ZYG11B: variants seen among roughly 807,000 people sequenced by gnomAD.
ZYG11B encodes protein zyg-11 homolog B.
Under a neutral mutation model 82.4 loss-of-function variants are expected in ZYG11B, and 36 were observed. The ratio of observed to expected loss-of-function variants is 0.44; its 90% CI spans 0.33 to 0.58. ZYG11B has a LOEUF of 0.58. Among genes scored for constraint, ZYG11B ranks in the 20% least tolerant of loss-of-function variants. The pLI is 0.02. For missense variants in ZYG11B, 552 were observed against 895.6 expected, an observed-to-expected ratio of 0.62 and a Z score of 4.90; for synonymous variants, 303 against 312.8, an observed-to-expected ratio of 0.97 and a Z score of 0.33.
intron 12 of ZYG11B, among the ~76,000 whole-genome samples, chr1:52,814,658 T>C (rs1333834448): frequency 6.6e-6 from 1 of 151,972 alleles, no homozygotes; most frequent in Non-Finnish European, 1.5e-5. Flanking sequence ...TATGATTGCA[T>C]CACTGCATTC....
At chr1:52,804,419 C>T (rs1207373828) in intron 10 of ZYG11B, among the ~76,000 whole-genome samples, 2 of 152,028 alleles carry the variant, frequency 1.3e-5, no homozygotes, top group African/African-American at 4.8e-5. Flanking sequence ...TTGAGACCAG[C>T]CTGCCCAACA....
chr1:52,770,487 C>T (rs1177092064), intron 2 of ZYG11B, among the ~76,000 whole-genome samples: 1 of 152,024 alleles, frequency 6.6e-6, no homozygotes, highest in South Asian at 2.1e-4. Flanking sequence ...AGGTTTATAC[C>T]TCACTTGTGG....
chr1:52,821,295 A>G (rs12731800), intron 13 of ZYG11B, 144 bp from the exon 14 acceptor site: 31,553 of 717,800 alleles, frequency 0.044, 867 homozygotes, highest in African/African-American at 0.1. Context: ...GAGGTTATTT[A>G]TCAAGCTGTA....
At chr1:52,755,061 C>T (rs1163151078) in intron 1 of ZYG11B, among the ~76,000 whole-genome samples, 2 of 150,294 alleles carry the variant, frequency 1.3e-5, no homozygotes, top group African/African-American at 2.4e-5. Context: ...CCTGTGTTCA[C>T]GCCATTCTCC....
At chr1:52,753,202 T>C (rs1178421439) in intron 1 of ZYG11B, among the ~76,000 whole-genome samples, 1 of 152,120 alleles carries the variant, frequency 6.6e-6, no homozygotes, top group Admixed American at 6.6e-5. Flanking sequence ...ACATACAAGA[T>C]TTTGTGTGGA....
At position 52,726,698 on chromosome 1, in the gene ZYG11B, C is replaced by A; in HGVS notation, c.30+15C>A. 9 of 1,472,304 alleles carry A rather than the reference C, an allele frequency of 6.1e-6. No homozygotes were observed. The highest frequency in any genetic ancestry group is 8.1e-6 in the Non-Finnish European group (9 of 1,117,156). The allele number at this position is 1,472,304 out of a possible 1,614,324, so 91.2% of individuals were successfully genotyped here. On this transcript the variant is annotated intron_variant, in intron 1 of 13. Transcript: ENST00000294353. ...GCGCAGCCATGGTGAGGGAGCAAGG[C>A]CTGCCCTAGCCGCAGCCGCCCGCCA... is the stretch of plus-strand genomic sequence containing the variant.
chr1:52,820,305 G>A (rs1341802895), intron 13 of ZYG11B, among the ~76,000 whole-genome samples: 1 of 151,728 alleles, frequency 6.6e-6, no homozygotes, highest in Non-Finnish European at 1.5e-5. Flanking sequence ...TACCTTGTGG[G>A]CTTATTTTGT....
intron 1 of ZYG11B, among the ~76,000 whole-genome samples, chr1:52,738,099 G>A (rs919206886): frequency 4.6e-5 from 7 of 152,236 alleles, no homozygotes; most frequent in Admixed American, 1.3e-4. Context: ...TATATAATTT[G>A]TAGAGGTGTT....
intron 1 of ZYG11B, among the ~76,000 whole-genome samples, chr1:52,727,923 TAGTC>T (rs988110946): frequency 1.3e-5 from 2 of 152,166 alleles, no homozygotes; most frequent in South Asian, 2.1e-4. Context: ...CCTAGGAGGT[TAGTC>T]AGTTTCTTTT....
Position 52,802,109 on chromosome 1 carries a change from A to G in ZYG11B, c.1665A>G (p.Ser555=), listed in dbSNP as rs1462413773. 1.2e-5 allele frequency: 20 copies of G among 1,611,244 alleles called. No homozygotes were observed. The highest frequency in any genetic ancestry group is 3.4e-5 in the Admixed American group (2 of 59,632). The part of the protein sequence containing the change: ...MRVLESFPTE[S]SIQQKVLGLL... ...TTTTACAGTCTTTCCCAACTGAGTC[A>G]TCCATTCAGCAGAAAGTTCTAGGAC... Residue 555 remains serine (S), a synonymous_variant, in exon 10 of 14, where the codon TCA becomes TCG. Coordinates refer to ENST00000294353, the MANE Select transcript of ZYG11B (RefSeq NM_024646.3).
intron 2 of ZYG11B, among the ~76,000 whole-genome samples, chr1:52,760,982 C>T (rs565165668): frequency 2.6e-5 from 4 of 152,114 alleles, no homozygotes; most frequent in Admixed American, 1.3e-4. Context: ...AGGCTGGTCT[C>T]GAACTCCTGA....
intron 13 of ZYG11B, among the ~76,000 whole-genome samples, chr1:52,821,075 G>GCAAGA (rs1411472535): frequency 6.7e-6 from 1 of 149,530 alleles, no homozygotes; most frequent in Non-Finnish European, 1.5e-5. Context: ...GGGCAACAGG[G>GCAAGA]CAAGACTCTG....
At position 52,816,608 on chromosome 1, in the gene ZYG11B, C is replaced by T; in HGVS notation, c.2023C>T (p.Gln675Ter). Residue 675 changes from glutamine to a stop codon, truncating the protein, a stop_gained, in exon 13 of 14, where the codon CAA becomes TAA. Coordinates refer to ENST00000294353, the MANE Select transcript of ZYG11B (RefSeq NM_024646.3). LOFTEE classifies it high-confidence loss of function. ...TCAGCTATGGGCAGTTTGGGCCATG[C>T]AACATGTCTGCAGCAAGAATCGTAT... ...GVQLWAVWAM[Q>*]HVCSKNPSRY... 6.2e-7 allele frequency: 1 copy of T among 1,610,080 alleles called. No individual in the cohort carries two copies.
chr1:52,737,534 A>C (rs1644387868), intron 1 of ZYG11B, among the ~76,000 whole-genome samples: 1 of 152,140 alleles, frequency 6.6e-6, no homozygotes, highest in Non-Finnish European at 1.5e-5. Context: ...TGGGAGGCCG[A>C]GGCGGGCGGA....
In ZYG11B at chr1:52,762,212, C is replaced by CTT. The variant is rs1438109698; in HGVS notation, c.196+5604_196+5605dup. Among the ~76,000 whole-genome samples the CTT allele has an allele frequency of 1.8e-3, 237 of 131,478 alleles. 3 individuals are homozygous for CTT. Among genetic ancestry groups the CTT allele is most frequent in the African/African-American group, 5.8e-3 (207 of 35,518 alleles). The allele number at this position is 131,478 out of a possible 152,430, so 86.3% of individuals were successfully genotyped here. On this transcript the variant is annotated intron_variant, in intron 2 of 13. Transcript: ENST00000294353. Reference sequence around the variant, plus strand: ...TCTATGTTCGTTTTTGTTGCCTGTGCTTTTTTTTTTTTTTTTGACAGGGTC... The same window carrying CTT: ...TCTATGTTCGTTTTTGTTGCCTGTGCTTTTTTTTTTTTTTTTTTGACAGGGTC...
At chr1:52,816,700 T>G in intron 13 of ZYG11B, 71 bp downstream of exon 13, 1 of 1,199,356 alleles carries the variant, frequency 8.3e-7, no homozygotes, top group Non-Finnish European at 1.2e-6. Context: ...GAAAGATATT[T>G]CTAAATTGTG....
intron 1 of ZYG11B, among the ~76,000 whole-genome samples, chr1:52,738,550 C>A (rs1272985346): frequency 6.6e-6 from 1 of 150,684 alleles, no homozygotes; most frequent in Non-Finnish European, 1.5e-5. Flanking sequence ...AAATGTTTTT[C>A]TTAGCTTTCC....
At chr1:52,803,187 TAC>T (rs1254654096) in intron 10 of ZYG11B, among the ~76,000 whole-genome samples, 1 of 78,326 alleles carries the variant, frequency 1.3e-5, no homozygotes, top group Non-Finnish European at 2.0e-5. Flanking sequence ...TATATATATA[TAC>T]ACATATATAT....
intron 1 of ZYG11B, among the ~76,000 whole-genome samples, chr1:52,750,616 C>T (rs1313078418): frequency 6.6e-6 from 1 of 152,150 alleles, no homozygotes; most frequent in Non-Finnish European, 1.5e-5. Context: ...ATATAATTCA[C>T]ATACCATGCA....
Sources: allele counts gnomAD v4.1 joint callset (sites outside exome capture counted in the v4.1 genomes callset), GRCh38; gene constraint gnomAD v4.1.1; transcripts MANE v1.5; gene names NCBI Gene and HGNC (gene_info 2026-07-23, HGNC 2026-07-21).